DVL1: variants seen among roughly 807,000 people sequenced by gnomAD.
The protein encoded by DVL1 is segment polarity protein dishevelled homolog DVL-1.
A neutral mutation model predicts 65.0 loss-of-function variants in DVL1; 49 were observed. The observed-to-expected ratio is 0.75, with a 90% CI of 0.60 to 0.96. DVL1 has a LOEUF of 0.96. Among genes scored for constraint, DVL1 ranks in the 40% least tolerant of loss-of-function variants. The pLI is 0.00. For synonymous variants in DVL1, 608 were observed against 433.9 expected, an observed-to-expected ratio of 1.40 and a Z score of -4.99; for missense variants, 1,197 against 1,045.4, an observed-to-expected ratio of 1.15 and a Z score of -2.00.
At chr1:1,343,305 G>A (rs1254159923) in intron 1 of DVL1, among the ~76,000 whole-genome samples, 4 of 144,442 alleles carry the variant, frequency 2.8e-5, no homozygotes, top group Non-Finnish European at 6.1e-5. Context: ...TCAGGGCCAG[G>A]CCCCAGCCTC....
chr1:1,347,892 G>T (rs1487677380), intron 1 of DVL1, among the ~76,000 whole-genome samples: 1 of 152,196 alleles, frequency 6.6e-6, no homozygotes, highest in African/African-American at 2.4e-5. Flanking sequence ...CAGCTGTCTA[G>T]ATGTCCCTTG....
Position 1,336,133 on chromosome 1 carries a change from C to A in DVL1, c.*9G>T, listed in dbSNP as rs377426716. The A allele has an allele frequency of 7.4e-5, 117 of 1,571,640 alleles. No individual in the cohort carries two copies. In the East Asian group the frequency reaches 1.1e-3, roughly 15 times the overall value. ...CCACCTCAGGCAGGGCTGGGGCATG[C>A]GCCACGAGTCACATGATGTCCACGA... On this transcript the variant is annotated 3_prime_UTR_variant, in exon 15 of 15. Transcript: ENST00000378888.
Position 1,348,934 on chromosome 1 carries a change from G to T in DVL1, c.132C>A (p.Ala44=), listed in dbSNP as rs896506918. 5 of 1,572,938 alleles carry T rather than the reference G, an allele frequency of 3.2e-6. No individual in the cohort carries two copies. The highest frequency in any genetic ancestry group is 4.3e-6 in the Non-Finnish European group (5 of 1,156,084). The change falls in exon 1 of 15, where the codon GCC becomes GCA. Residue 44 remains alanine (A), a synonymous_variant. Transcript: ENST00000378888. ...CCATGGACTTAAAGAAGAATTTGTA[G>T]GCGTGCACGGGCCGGTTGCTGAGCA... ...KNVLSNRPVH[A]YKFFFKSMDQ... is the part of the protein sequence containing the mutation.
Position 1,338,072 on chromosome 1 carries a change from T to C in DVL1, c.1619A>G (p.Tyr540Cys), listed in dbSNP as rs996833746. 4 of 1,610,332 alleles carry C rather than the reference T, an allele frequency of 2.5e-6. No individual in the cohort carries two copies. The highest frequency in any genetic ancestry group is 3.4e-6 in the Non-Finnish European group (4 of 1,179,034). Residue 540 changes from tyrosine (Y) to cysteine (C), a missense_variant, in exon 14 of 15, where the codon TAC becomes TGC. By Grantham distance (194) the Tyr-to-Cys change is radical. Coordinates refer to ENST00000378888, the MANE Select transcript of DVL1 (RefSeq NM_001330311.2). ...APWPLGQGYP[Y>C]QYPGPPPCFP... ...GCAGGGTGGGGGTCCCGGGTACTGG[T>C]AGGGGTAGCCCTGACCCAGAGGCCA... is the stretch of plus-strand genomic sequence containing the variant.
At chr1:1,347,951 C>A (rs531856984) in intron 1 of DVL1, among the ~76,000 whole-genome samples, 1 of 152,318 alleles carries the variant, frequency 6.6e-6, no homozygotes, top group African/African-American at 2.4e-5. Context: ...GGACCTGGGG[C>A]TGCCTGAGGA....
At chr1:1,342,505 C>G (rs753844493) in intron 2 of DVL1, 21 bp from the exon 3 acceptor site, 1 of 1,606,584 alleles carries the variant, frequency 6.2e-7, no homozygotes, top group Non-Finnish European at 8.5e-7. Flanking sequence ...AGCAGGCATG[C>G]TCAGGGGAGC....
At position 1,335,864 on chromosome 1, in the gene DVL1, TTCC is replaced by T; in HGVS notation, c.*275_*277del. On this transcript the variant is annotated 3_prime_UTR_variant, in exon 15 of 15. Coordinates refer to ENST00000378888, the MANE Select transcript of DVL1 (RefSeq NM_001330311.2). Reference sequence around the variant, plus strand: ...GGTCAGCCGAGAGCCCGAGGGGGTCTTCCTCATCCCAGGAGGGATCCCCACCAG... The same window carrying T: ...GGTCAGCCGAGAGCCCGAGGGGGTCTTCATCCCAGGAGGGATCCCCACCAG... 3.8e-6 allele frequency: 2 copies of T among 529,770 alleles called. No homozygotes were observed. The highest frequency in any genetic ancestry group is 6.7e-6 in the Non-Finnish European group (2 of 298,952). 32.8% of individuals were successfully genotyped at this position (529,770 alleles called of 1,614,324 possible).
Position 1,340,293 on chromosome 1 carries a change from G to A in DVL1, c.723C>T (p.Thr241=), listed in dbSNP as rs750431162. 18 of 1,614,002 alleles carry A rather than the reference G, an allele frequency of 1.1e-5. No homozygotes were observed. The highest frequency in any genetic ancestry group is 2.2e-5 in the South Asian group (2 of 91,086). ...ADRASSFSSI[T]DSTMSLNIVT... ...CGATGTTGAGGGACATGGTGGAGTCGGTTATGCTGCTGAAGGAGGAGGCCT... is the reference window on the plus strand; with the variant it reads ...CGATGTTGAGGGACATGGTGGAGTCAGTTATGCTGCTGAAGGAGGAGGCCT... The change falls in exon 7 of 15, where the codon ACC becomes ACT. Residue 241 remains threonine, a synonymous_variant. Transcript: ENST00000378888.
chr1:1,349,331 C>G lies in DVL1; in HGVS notation c.-266G>C, dbSNP rs901476994. The stretch of plus-strand genomic sequence containing the variant: ...GGCGCGAGGGACGCAGCACGGAGGG[C>G]GCGCTCAGCCCCGCCGCCCTCCCGC... On this transcript the variant is annotated 5_prime_UTR_variant, in exon 1 of 15. Coordinates refer to ENST00000378888, the MANE Select transcript of DVL1 (RefSeq NM_001330311.2). The surrounding 1 kb of genome is among the most constrained non-coding windows in gnomAD (Gnocchi z 4.1). 1 of 144,428 alleles carries G rather than the reference C, an allele frequency of 6.9e-6. No individual in the cohort carries two copies. The highest frequency in any genetic ancestry group is 6.8e-5 in the Admixed American group (1 of 14,648). 8.9% of individuals were successfully genotyped at this position (144,428 alleles called of 1,614,324 possible).
At chr1:1,338,233 C>CCCCCCCCCCCCCCCG in intron 13 of DVL1, 36 bp downstream of exon 13, 1 of 1,518,916 alleles carries the variant, frequency 6.6e-7, no homozygotes, top group Non-Finnish European at 9.1e-7. Flanking sequence ...CGGCGTTCCC[C>CCCCCCCCCCCCCCCG]TCCCCCCCGC....
chr1:1,344,618 G>T (rs1399383145), intron 1 of DVL1, among the ~76,000 whole-genome samples: 2 of 152,142 alleles, frequency 1.3e-5, no homozygotes, highest in African/African-American at 4.8e-5. Flanking sequence ...CCAAAGAGCA[G>T]AGAAGGTCAC....
intron 14 of DVL1, chr1:1,337,088 T>G: frequency 1.0e-6 from 1 of 987,856 alleles, no homozygotes; most frequent in Non-Finnish European, 1.2e-6. Flanking sequence ...ATAGCACGAG[T>G]TACACGCCCG....
chr1:1,348,581 G>A (rs1643958816), intron 1 of DVL1, among the ~76,000 whole-genome samples: 1 of 152,184 alleles, frequency 6.6e-6, no homozygotes, highest in Non-Finnish European at 1.5e-5. Flanking sequence ...CGCACCAACG[G>A]CAGGCGCTCC....
rs1173055351 is a variant in DVL1 at position 1,335,823 on chromosome 1, C to G, written c.*319G>C. 2.4e-6 allele frequency: 1 copy of G among 424,886 alleles called. No homozygotes were observed. Among genetic ancestry groups the G allele is most frequent in the Non-Finnish European group, 4.3e-6 (1 of 235,200 alleles). 26.3% of individuals were successfully genotyped at this position (424,886 alleles called of 1,614,324 possible). On this transcript the variant is annotated 3_prime_UTR_variant, in exon 15 of 15. Transcript: ENST00000378888. ...GACCACCCTGGGGGCCTGGGCACAGCTGTGCAGGAGGTGGGGGTCAGCCGA... is the reference window on the plus strand; with the variant it reads ...GACCACCCTGGGGGCCTGGGCACAGGTGTGCAGGAGGTGGGGGTCAGCCGA...
rs1643857319 is a variant in DVL1 at position 1,342,161 on chromosome 1, G to C, written c.363-5C>G. 2 of 1,555,116 alleles carry C rather than the reference G, an allele frequency of 1.3e-6. No individual in the cohort carries two copies. The highest frequency in any genetic ancestry group is 8.7e-7 in the Non-Finnish European group (1 of 1,149,250). ...CGGCTGCTGGCCACATTTGGGCTGTGCAACAAGAGCAGGGTGGGTGGGGAG... is the reference window on the plus strand; with the variant it reads ...CGGCTGCTGGCCACATTTGGGCTGTCCAACAAGAGCAGGGTGGGTGGGGAG... On this transcript the variant is annotated splice_region_variant and splice_polypyrimidine_tract_variant and intron_variant, in intron 3 of 14. Transcript: ENST00000378888.
rs375771655 is a variant in DVL1, at chr1:1,341,579, A to C, written c.605+88T>G. On this transcript the variant is annotated intron_variant, in intron 5 of 14. Transcript: ENST00000378888. ...ACACACGCACACACGTGCAATGTGAAAACACCTCATGCAGACACATGCACA... is the reference window on the plus strand; with the variant it reads ...ACACACGCACACACGTGCAATGTGACAACACCTCATGCAGACACATGCACA... 9.8e-6 allele frequency: 14 copies of C among 1,424,642 alleles called. No individual in the cohort carries two copies. In the African/African-American group the frequency reaches 1.6e-4, roughly 16 times the overall value. The allele number at this position is 1,424,642 out of a possible 1,614,324, so 88.3% of individuals were successfully genotyped here.
chr1:1,345,119 C>A (rs1007376347), intron 1 of DVL1, among the ~76,000 whole-genome samples: 3 of 152,186 alleles, frequency 2.0e-5, no homozygotes, highest in African/African-American at 7.2e-5. Context: ...TCCCACCATC[C>A]AGAGTGGCCC....
At chr1:1,347,140 C>T (rs1320641539) in intron 1 of DVL1, among the ~76,000 whole-genome samples, 4 of 152,140 alleles carry the variant, frequency 2.6e-5, no homozygotes, top group Admixed American at 6.5e-5. Flanking sequence ...GCAAGGCCCT[C>T]GTCTTGGACC....
intron 14 of DVL1, chr1:1,337,092 A>C: frequency 2.0e-6 from 2 of 987,796 alleles, no homozygotes; most frequent in Non-Finnish European, 2.4e-6. Context: ...CACGAGTTAC[A>C]CGCCCGGCTG....
Sources: allele counts gnomAD v4.1 joint callset (sites outside exome capture counted in the v4.1 genomes callset), GRCh38; gene constraint gnomAD v4.1.1; non-coding constraint Gnocchi (gnomAD v3.1); transcripts MANE v1.5; gene names NCBI Gene and HGNC (gene_info 2026-07-23, HGNC 2026-07-21).